The following MCM10 variants were observed in gnomAD, a reference collection of about 807,000 sequenced individuals.
The protein encoded by MCM10 is minichromosome maintenance 10 replication initiation factor, also known as protein MCM10 homolog.
MCM10 carries 91 observed loss-of-function variants against 109.9 expected under a neutral mutation model. The observed-to-expected ratio is 0.83, with a 90% CI of 0.70 to 0.99. The LOEUF (loss-of-function observed/expected upper bound fraction) is 0.99, where lower values mean the gene tolerates loss of function less well. Among genes scored for constraint, MCM10 ranks in the 50% least tolerant of loss-of-function variants. The pLI is 0.00. For synonymous variants in MCM10, 380 were observed against 387.2 expected, an observed-to-expected ratio of 0.98 and a Z score of 0.22; for missense variants, 1,077 against 1,061.2, an observed-to-expected ratio of 1.01 and a Z score of -0.21.
chr10:13,186,097 T>C, intron 8 of MCM10, 67 bp from the exon 9 acceptor site: 1 of 875,644 alleles, frequency 1.1e-6, no homozygotes, highest in Non-Finnish European at 1.9e-6. Context: ...CATTCTTTTT[T>C]CTATTCCTGC....
chr10:13,166,649 A>ACATATATAT lies in MCM10; in HGVS notation c.7+2440_7+2441insCATATATAT, dbSNP rs1554773845. On this transcript the variant is annotated intron_variant, in intron 2 of 19. Transcript: ENST00000378714. ...AAACTCTGTCTCAAAAAAAAAAAAA[A>ACATATATAT]ATACATACATACATATATATATATA... 1.4e-3 allele frequency among the ~76,000 whole-genome samples: 59 copies of ACATATATAT among 41,512 alleles called. 2 individuals are homozygous for ACATATATAT. Among genetic ancestry groups the ACATATATAT allele is most frequent in the African/African-American group, 4.3e-3 (55 of 12,900 alleles). The allele number at this position is 41,512 out of a possible 152,430, so 27.2% of individuals were successfully genotyped here. A position where few individuals can be genotyped will look rare whatever the true frequency, so the allele number is the denominator to read the frequency against.
intron 10 of MCM10, among the ~76,000 whole-genome samples, chr10:13,189,881 G>A (rs1353657220): frequency 6.6e-6 from 1 of 151,914 alleles, no homozygotes; most frequent in Non-Finnish European, 1.5e-5. Context: ...GTAATCCAGG[G>A]GTGTCCAATC....
At chr10:13,187,488 T>C (rs1834290669) in intron 9 of MCM10, among the ~76,000 whole-genome samples, 1 of 152,196 alleles carries the variant, frequency 6.6e-6, no homozygotes, top group Non-Finnish European at 1.5e-5. Flanking sequence ...CCCTTGGGCA[T>C]ATACCTGGGA....
chr10:13,198,565 G>T, intron 15 of MCM10, 124 bp from the exon 16 acceptor site: 2 of 680,494 alleles, frequency 2.9e-6, no homozygotes, highest in South Asian at 1.8e-5. Context: ...GACCAGCGGG[G>T]GTAGGTCAAG....
rs969151578 is a variant in MCM10 at position 13,210,270 on chromosome 10, G to C, written c.*960G>C. 1 of 146,408 alleles carries C rather than the reference G, an allele frequency of 6.8e-6. No homozygotes were observed. The highest frequency in any genetic ancestry group is 2.5e-5 in the African/African-American group (1 of 39,304). 9.1% of individuals were successfully genotyped at this position (146,408 alleles called of 1,614,324 possible). On this transcript the variant is annotated 3_prime_UTR_variant, in exon 20 of 20. Transcript: ENST00000378714. ...GGGTTTTGCCATGTTGCTCAGGCTG[G>C]TCTCAAACTCCTGAGCACTAGCAAT...
intron 10 of MCM10, among the ~76,000 whole-genome samples, chr10:13,190,693 A>C (rs1018206046): frequency 7.9e-5 from 12 of 152,130 alleles, no homozygotes; most frequent in Non-Finnish European, 1.6e-4. Context: ...CTCAAAAAAA[A>C]AACCCCAAAC....
At chr10:13,168,022 G>T (rs565465814) in intron 2 of MCM10, among the ~76,000 whole-genome samples, 2 of 152,288 alleles carry the variant, frequency 1.3e-5, no homozygotes, top group African/African-American at 4.8e-5. Flanking sequence ...GGGTTGTGAG[G>T]CACCATGGGA....
intron 2 of MCM10, 58 bp from the exon 3 acceptor site, chr10:13,170,864 G>C: frequency 6.7e-7 from 1 of 1,497,198 alleles, no homozygotes; most frequent in Non-Finnish European, 9.2e-7. Flanking sequence ...ATTGCCTAAA[G>C]TTGAATGTTT....
intron 8 of MCM10, among the ~76,000 whole-genome samples, chr10:13,183,990 G>C (rs1441780933): frequency 6.6e-6 from 1 of 152,042 alleles, no homozygotes; most frequent in African/African-American, 2.4e-5. Flanking sequence ...TCAGCAGCTG[G>C]GATTACAGGC....
Position 13,172,273 on chromosome 10 carries a change from G to A in MCM10, c.350-103G>A. 1 of 765,110 alleles carries A rather than the reference G, an allele frequency of 1.3e-6. No homozygotes were observed. Among genetic ancestry groups the A allele is most frequent in the South Asian group, 1.6e-5 (1 of 61,932 alleles). The allele number at this position is 765,110 out of a possible 1,614,324, so 47.4% of individuals were successfully genotyped here. On this transcript the variant is annotated intron_variant, in intron 3 of 19. Coordinates refer to ENST00000378714, the MANE Select transcript of MCM10 (RefSeq NM_018518.5). This position sits in a 1 kb window ranked among gnomAD's most constrained non-coding sequence, Gnocchi z 5.2. ...ATGTGATTATATTGTGGGTCTCAAG[G>A]TATTGGGGCAGGGAGTGGACAACAA...
intron 18 of MCM10, among the ~76,000 whole-genome samples, chr10:13,207,692 C>T (rs1834602056): frequency 6.6e-6 from 1 of 152,216 alleles, no homozygotes; most frequent in Admixed American, 6.5e-5. Context: ...CCTGCACACA[C>T]TGTCTTGCCT....
intron 8 of MCM10, among the ~76,000 whole-genome samples, chr10:13,185,346 C>A (rs1235434145): frequency 6.6e-6 from 1 of 152,196 alleles, no homozygotes; most frequent in Non-Finnish European, 1.5e-5. Flanking sequence ...CCTCTTGGTA[C>A]AGTCTGTCCA....
intron 10 of MCM10, 91 bp from the exon 11 acceptor site, chr10:13,191,208 T>G (rs1485657853): frequency 4.8e-6 from 4 of 828,372 alleles, no homozygotes; most frequent in Middle Eastern, 2.3e-4. Context: ...TGACGGTGTG[T>G]GTAATAAATG....
At chr10:13,174,443 C>T (rs945878714) in intron 5 of MCM10, among the ~76,000 whole-genome samples, 2 of 152,040 alleles carry the variant, frequency 1.3e-5, no homozygotes, top group Non-Finnish European at 2.9e-5. Flanking sequence ...ACATAAATCT[C>T]CACTAATTAC....
Position 13,198,704 on chromosome 10 carries a change from A to G in MCM10, c.2135A>G (p.Glu712Gly). 6.2e-7 allele frequency: 1 copy of G among 1,612,562 alleles called. No individual in the cohort carries two copies. The highest frequency in any genetic ancestry group is 8.5e-7 in the Non-Finnish European group (1 of 1,178,742). The change falls in exon 16 of 20, where the codon GAG (glutamate) becomes GGG (glycine). Residue 712 changes from glutamate (E) to glycine (G), a missense_variant. Transcript: ENST00000378714. ...MFSSQAEDELEPARKKRREQL... is the reference protein window; with the variant it reads ...MFSSQAEDELGPARKKRREQL... ...TGTGCCCTAGCTGAGGATGAATTGG[A>G]GCCTGCCAGGAAAAAAAGGAGAGAA...
At chr10:13,174,009 C>T (rs1028609549) in intron 5 of MCM10, among the ~76,000 whole-genome samples, 3 of 152,004 alleles carry the variant, frequency 2.0e-5, no homozygotes, top group African/African-American at 4.8e-5. Context: ...AAAGTAACTC[C>T]ATCAGGGATA....
Position 13,175,627 on chromosome 10 carries a change from C to T in MCM10, c.710C>T (p.Ser237Phe), listed in dbSNP as rs1332158839. 1 of 1,613,242 alleles carries T rather than the reference C, an allele frequency of 6.2e-7. No homozygotes were observed. The highest frequency in any genetic ancestry group is 1.7e-5 in the Admixed American group (1 of 59,986). Residue 237 changes from serine to phenylalanine, a missense_variant, in exon 6 of 20, where the codon TCT becomes TTT. Coordinates refer to ENST00000378714, the MANE Select transcript of MCM10 (RefSeq NM_018518.5). ...RGQIVGTPGS[S>F]GETTQPICVE... is the part of the protein sequence containing the mutation. ...CAAATTGTGGGGACCCCAGGAAGTT[C>T]TGGGGAAACGACTCAACCCATCTGT... is the stretch of plus-strand genomic sequence containing the variant.
chr10:13,205,203 C>G (rs1460746169), intron 18 of MCM10, among the ~76,000 whole-genome samples: 2 of 151,962 alleles, frequency 1.3e-5, no homozygotes, highest in Non-Finnish European at 2.9e-5. Context: ...CCCCTCCCAC[C>G]CTTCGGTGTC....
chr10:13,194,579 T>C (rs1187217495), intron 13 of MCM10, among the ~76,000 whole-genome samples: 1 of 152,054 alleles, frequency 6.6e-6, no homozygotes, highest in Non-Finnish European at 1.5e-5. Context: ...GGATGTAAAA[T>C]AATCGCTGCA....
Sources: allele counts gnomAD v4.1 joint callset (sites outside exome capture counted in the v4.1 genomes callset), GRCh38; gene constraint gnomAD v4.1.1; non-coding constraint Gnocchi (gnomAD v3.1); transcripts MANE v1.5; gene names NCBI Gene and HGNC (gene_info 2026-07-23, HGNC 2026-07-21).